Variants in PPP1R3A observed in about 807,000 individuals in gnomAD.
PPP1R3A encodes RG1.
In PPP1R3A, 29 loss-of-function variants were observed where a neutral mutation model predicts 41.7. That is an observed-to-expected ratio of 0.70 (90% CI 0.52 to 0.95). PPP1R3A has a LOEUF of 0.95. Among genes scored for constraint, PPP1R3A ranks in the 40% least tolerant of loss-of-function variants. The pLI is 0.00. For missense variants in PPP1R3A, 1,352 were observed against 1,292.4 expected (o/e 1.05, Z -0.71); for synonymous variants, 485 against 453.4 (o/e 1.07, Z -0.89).
At chr7:113,914,094 G>T (rs980996776) in intron 1 of PPP1R3A, among the ~76,000 whole-genome samples, 1 of 152,132 alleles carries the variant, frequency 6.6e-6, no homozygotes. Context: ...CAAGAGTCAG[G>T]ACATTAGCTG....
At chr7:113,895,466 C>A (rs556320445) in intron 1 of PPP1R3A, among the ~76,000 whole-genome samples, 1 of 151,962 alleles carries the variant, frequency 6.6e-6, no homozygotes, top group Admixed American at 6.6e-5. Context: ...ACTTTAGAAG[C>A]TATGAAGTCA....
At chr7:113,890,325 T>C (rs1467153373) in intron 1 of PPP1R3A, among the ~76,000 whole-genome samples, 3 of 152,058 alleles carry the variant, frequency 2.0e-5, no homozygotes, top group Non-Finnish European at 4.4e-5. Flanking sequence ...GAGTGGGCAG[T>C]GGGAATCTGC....
In PPP1R3A at chr7:113,877,556, T is replaced by C. The variant is rs1244082195; in HGVS notation, c.*167A>G. On this transcript the variant is annotated 3_prime_UTR_variant, in exon 4 of 4. Transcript: ENST00000284601. The stretch of plus-strand genomic sequence containing the variant: ...ATGATCCAAACATAATGGTCCTATA[T>C]AGAATAATTACTTATATGAAGGAGC... The C allele has an allele frequency of 1.4e-6, 1 of 698,642 alleles. No homozygotes were observed. The highest frequency in any genetic ancestry group is 2.7e-5 in the East Asian group (1 of 37,036). 43.3% of individuals were successfully genotyped at this position (698,642 alleles called of 1,614,324 possible). A position where few individuals can be genotyped will look rare whatever the true frequency, so the allele number is the denominator to read the frequency against.
chr7:113,906,903 G>A (rs898377250), intron 1 of PPP1R3A, among the ~76,000 whole-genome samples: 1 of 151,762 alleles, frequency 6.6e-6, no homozygotes, highest in African/African-American at 2.4e-5. Flanking sequence ...ATTAAATGCT[G>A]AGCCTAGAGA....
At chr7:113,885,337 G>A (rs962643331) in intron 1 of PPP1R3A, among the ~76,000 whole-genome samples, 4 of 152,136 alleles carry the variant, frequency 2.6e-5, no homozygotes, top group East Asian at 2.0e-4. Flanking sequence ...ATGAGCCACC[G>A]CACCTGGCCC....
chr7:113,887,373 A>G (rs1397311137), intron 1 of PPP1R3A, among the ~76,000 whole-genome samples: 2 of 152,116 alleles, frequency 1.3e-5, no homozygotes, highest in Admixed American at 1.3e-4. Flanking sequence ...TTTCTAATAG[A>G]TATTTTAAAA....
rs1000673104 is a variant in PPP1R3A, at chr7:113,877,189, T to A, written c.*534A>T. On this transcript the variant is annotated 3_prime_UTR_variant, in exon 4 of 4. Coordinates refer to ENST00000284601, the MANE Select transcript of PPP1R3A (RefSeq NM_002711.4). ...GAATATGTTTAAGTTTGCATTTCAA[T>A]ATATATGGGTGTTTTCTTAAAAATA... is the stretch of plus-strand genomic sequence containing the variant. The A allele has an allele frequency of 6.6e-6, 1 of 152,134 alleles. No homozygotes were observed. The highest frequency in any genetic ancestry group is 2.4e-5 in the African/African-American group (1 of 41,412). 9.4% of individuals were successfully genotyped at this position (152,134 alleles called of 1,614,324 possible).
intron 1 of PPP1R3A, among the ~76,000 whole-genome samples, chr7:113,898,877 T>G (rs550337704): frequency 3.3e-5 from 5 of 151,910 alleles, no homozygotes; most frequent in Admixed American, 6.6e-5. Flanking sequence ...GTGTAAATCC[T>G]TTCTCTGTGT....
At position 113,882,162 on chromosome 7, in the gene PPP1R3A, A is replaced by G. The variant is rs1179216437; in HGVS notation, c.843T>C (p.Asp281=). The change falls in exon 3 of 4, where the codon GAT becomes GAC. Residue 281 remains aspartate, a splice_region_variant and synonymous_variant. Coordinates refer to ENST00000284601, the MANE Select transcript of PPP1R3A (RefSeq NM_002711.4). ...ENNFENPKNT[D]TYIPTIICSH... is the part of the protein sequence containing the mutation. ...AACAAATGATTGTTGGGATATAGGT[A>G]TCTGAAAAGTTAATATAATTGTGCC... The G allele has an allele frequency of 6.2e-7, 1 of 1,611,192 alleles. No homozygotes were observed. Among genetic ancestry groups the G allele is most frequent in the East Asian group, 2.2e-5 (1 of 44,716 alleles).
chr7:113,904,521 T>A lies in PPP1R3A; in HGVS notation c.782+13694A>T, dbSNP rs534410009. 1.3e-4 allele frequency among the ~76,000 whole-genome samples: 20 copies of A among 151,846 alleles called. No individual in the cohort carries two copies. The East Asian group carries it at 2.7e-3, about 21-fold the overall frequency. ...AACACCATAAAACTCAAGTTGTCAATACACTACAGTTCATTATACATGAGA... is the reference window on the plus strand; with the variant it reads ...AACACCATAAAACTCAAGTTGTCAAAACACTACAGTTCATTATACATGAGA... On this transcript the variant is annotated intron_variant, in intron 1 of 3. Transcript: ENST00000284601.
At position 113,882,032 on chromosome 7, in the gene PPP1R3A, C is replaced by T. The variant is rs766866792; in HGVS notation, c.966+7G>A. 10 of 1,611,994 alleles carry T rather than the reference C, an allele frequency of 6.2e-6. No individual in the cohort carries two copies. Among genetic ancestry groups the T allele is most frequent in the South Asian group, 1.1e-5 (1 of 91,038 alleles). On this transcript the variant is annotated splice_region_variant and intron_variant, in intron 3 of 3. Coordinates refer to ENST00000284601, the MANE Select transcript of PPP1R3A (RefSeq NM_002711.4). The stretch of plus-strand genomic sequence containing the variant: ...TTCTCTAATACCGTGGCAACCAGAA[C>T]ACTTACCATCAACTCTAATTCTTTT...
chr7:113,885,604 C>A (rs1001961873), intron 1 of PPP1R3A, among the ~76,000 whole-genome samples: 2 of 151,688 alleles, frequency 1.3e-5, no homozygotes, highest in African/African-American at 4.8e-5. Context: ...CCCAAATCAA[C>A]AGAAGAATAG....
rs1050269293 is a variant in PPP1R3A at position 113,895,339 on chromosome 7, T to TA, written c.783-13020dup. On this transcript the variant is annotated intron_variant, in intron 1 of 3. Coordinates refer to ENST00000284601, the MANE Select transcript of PPP1R3A (RefSeq NM_002711.4). ...GGTAAATCATAGATTTTACATTTGT[T>TA]AAAAAAAACACCAGATATCTTAAAT... is the stretch of plus-strand genomic sequence containing the variant. 1.5e-4 allele frequency among the ~76,000 whole-genome samples: 23 copies of TA among 151,780 alleles called. No homozygotes were observed. In the Middle Eastern group the frequency reaches 0.01, roughly 67 times the overall value.
intron 1 of PPP1R3A, among the ~76,000 whole-genome samples, chr7:113,883,021 T>C (rs750623401): frequency 7.2e-5 from 11 of 152,036 alleles, no homozygotes; most frequent in Non-Finnish European, 1.3e-4. Flanking sequence ...TTTCCTTTTC[T>C]AGCATACCCT....
chr7:113,906,573 G>A (rs534617407), intron 1 of PPP1R3A, among the ~76,000 whole-genome samples: 2 of 151,888 alleles, frequency 1.3e-5, no homozygotes, highest in South Asian at 4.2e-4. Context: ...TGGAGATCCA[G>A]ATGGAGATGT....
intron 1 of PPP1R3A, among the ~76,000 whole-genome samples, chr7:113,898,348 G>A (rs1797008388): frequency 6.6e-6 from 1 of 151,762 alleles, no homozygotes; most frequent in Admixed American, 6.6e-5. Flanking sequence ...AGGTGGCCAG[G>A]GAAGGCCTCC....
chr7:113,887,617 T>C (rs1418987563), intron 1 of PPP1R3A, among the ~76,000 whole-genome samples: 1 of 152,190 alleles, frequency 6.6e-6, no homozygotes, highest in Admixed American at 6.6e-5. Context: ...TCAGGAAGTT[T>C]ATCTCAAAGT....
chr7:113,892,988 A>C (rs773681274), intron 1 of PPP1R3A, among the ~76,000 whole-genome samples: 1 of 151,972 alleles, frequency 6.6e-6, no homozygotes, highest in Non-Finnish European at 1.5e-5. Context: ...GAAGGCCACA[A>C]ATACAATACA....
intron 1 of PPP1R3A, among the ~76,000 whole-genome samples, chr7:113,901,474 C>A (rs1209564163): frequency 6.6e-6 from 1 of 151,764 alleles, no homozygotes; most frequent in Non-Finnish European, 1.5e-5. Flanking sequence ...ATATTTGCAT[C>A]AACTTAGGTA....
Sources: allele counts gnomAD v4.1 joint callset (sites outside exome capture counted in the v4.1 genomes callset), GRCh38; gene constraint gnomAD v4.1.1; transcripts MANE v1.5; gene names NCBI Gene and HGNC (gene_info 2026-07-23, HGNC 2026-07-21).